EXOC2: variants seen among roughly 807,000 people sequenced by gnomAD.
The protein encoded by EXOC2 is SEC5-like 1.
Under a neutral mutation model 131.8 loss-of-function variants are expected in EXOC2, and 70 were observed. The ratio of observed to expected loss-of-function variants is 0.53; its 90% CI spans 0.44 to 0.65. The LOEUF is 0.65. EXOC2 is among the 30% of genes least tolerant of loss of function. The pLI, the probability that EXOC2 is intolerant of heterozygous loss-of-function variation, is 0.00. For synonymous variants in EXOC2, 411 were observed against 398.4 expected (o/e 1.03, Z -0.38); for missense variants, 923 against 1,108.6 (o/e 0.83, Z 2.38).
chr6:686,952 G>T (rs1764683818), intron 1 of EXOC2, among the ~76,000 whole-genome samples: 1 of 151,468 alleles, frequency 6.6e-6, no homozygotes, highest in Non-Finnish European at 1.5e-5. Context: ...GAAAACAAAA[G>T]AGTTTCATAC....
At chr6:559,110 T>C (rs1042512631) in intron 17 of EXOC2, among the ~76,000 whole-genome samples, 1 of 152,194 alleles carries the variant, frequency 6.6e-6, no homozygotes, top group African/African-American at 2.4e-5. Flanking sequence ...TCACAAATCA[T>C]TCCAGTTCTT....
chr6:679,774 G>A (rs1028743641), intron 1 of EXOC2, among the ~76,000 whole-genome samples: 24 of 152,258 alleles, frequency 1.6e-4, no homozygotes, highest in African/African-American at 5.8e-4. Flanking sequence ...AAAAACATGC[G>A]AAACCAAGAG....
intron 23 of EXOC2, among the ~76,000 whole-genome samples, chr6:504,771 A>G (rs11758349): frequency 0.029 from 4,420 of 152,186 alleles, 94 homozygotes; most frequent in Non-Finnish European, 0.047. Context: ...CATTCTTCCA[A>G]CACGTGCTGT....
chr6:612,116 ATG>A (rs1484119259), intron 6 of EXOC2, among the ~76,000 whole-genome samples: 1 of 152,242 alleles, frequency 6.6e-6, no homozygotes, highest in Non-Finnish European at 1.5e-5. Flanking sequence ...TAACCAATCT[ATG>A]TTAATGCTAG....
At chr6:601,261 CT>C in intron 7 of EXOC2, among the ~76,000 whole-genome samples, 1 of 137,142 alleles carries the variant, frequency 7.3e-6, no homozygotes, top group Non-Finnish European at 1.6e-5. Flanking sequence ...CACACACATT[CT>C]CACACCAAGA....
At chr6:640,886 A>G (rs918223192) in intron 1 of EXOC2, among the ~76,000 whole-genome samples, 1 of 72,286 alleles carries the variant, frequency 1.4e-5, no homozygotes, top group Non-Finnish European at 3.7e-5. Flanking sequence ...CAGCAGGTAC[A>G]GAAAAAAAAA....
intron 10 of EXOC2, among the ~76,000 whole-genome samples, chr6:596,875 T>C (rs1561905097): frequency 6.6e-6 from 1 of 152,330 alleles, no homozygotes; most frequent in South Asian, 2.1e-4. Flanking sequence ...ATCACAGATA[T>C]AAAAAACTTA....
At chr6:656,654 C>T (rs763047165) in intron 1 of EXOC2, 2 of 1,606,992 alleles carry the variant, frequency 1.2e-6, no homozygotes, top group Non-Finnish European at 1.7e-6. Context: ...TCAGGGAGGA[C>T]GCGCCCGCTG....
At chr6:654,247 A>T (rs1762956970) in intron 1 of EXOC2, among the ~76,000 whole-genome samples, 1 of 152,242 alleles carries the variant, frequency 6.6e-6, no homozygotes, top group African/African-American at 2.4e-5. Context: ...TTTCAGAAAT[A>T]AATTTTGTAC....
intron 1 of EXOC2, among the ~76,000 whole-genome samples, chr6:638,488 T>TCCCATTTA: frequency 6.6e-6 from 1 of 152,236 alleles, no homozygotes; most frequent in Non-Finnish European, 1.5e-5. Context: ...CAAGTACTGC[T>TCCCATTTA]GCTCCCATTT....
intron 13 of EXOC2, among the ~76,000 whole-genome samples, chr6:568,964 G>A (rs1447159262): frequency 6.6e-6 from 1 of 152,004 alleles, no homozygotes; most frequent in African/African-American, 2.4e-5. Context: ...AAAAGTAGAC[G>A]GGGAAGGGAA....
chr6:675,088 C>A (rs1023045908), intron 1 of EXOC2, among the ~76,000 whole-genome samples: 1 of 152,214 alleles, frequency 6.6e-6, no homozygotes, highest in Non-Finnish European at 1.5e-5. Context: ...TCCTGACCTA[C>A]CCCCAGTGCT....
intron 13 of EXOC2, among the ~76,000 whole-genome samples, chr6:569,120 T>C (rs570730387): frequency 1.3e-5 from 2 of 152,380 alleles, no homozygotes; most frequent in African/African-American, 2.4e-5. Context: ...TTTTAATTTA[T>C]ATATTATTGA....
Position 486,349 on chromosome 6 carries a change from ACG to A in EXOC2, c.*320_*321del, listed in dbSNP as rs372373248. ...ACTGAGAAATGCTTCAATATGTGCC[ACG>A]CCATTCCAGAAAACTCCCTGCAGAA... On this transcript the variant is annotated 3_prime_UTR_variant, in exon 28 of 28. Coordinates refer to ENST00000230449, the MANE Select transcript of EXOC2 (RefSeq NM_018303.6). 2.6e-4 allele frequency: 65 copies of A among 245,490 alleles called. 1 individual carries two copies. In the East Asian group the frequency reaches 4.8e-3, roughly 18 times the overall value. 15.2% of individuals were successfully genotyped at this position (245,490 alleles called of 1,614,324 possible). A position where few individuals can be genotyped will look rare whatever the true frequency, so the allele number is the denominator to read the frequency against.
At chr6:573,763 G>A (rs1758423740) in intron 12 of EXOC2, among the ~76,000 whole-genome samples, 1 of 151,636 alleles carries the variant, frequency 6.6e-6, no homozygotes, top group South Asian at 2.1e-4. Context: ...GTAATACATG[G>A]TTAGAAAATG....
At chr6:511,025 G>T (rs1764816272) in intron 23 of EXOC2, among the ~76,000 whole-genome samples, 1 of 152,210 alleles carries the variant, frequency 6.6e-6, no homozygotes, top group South Asian at 2.1e-4. Context: ...TGTTTTTAAA[G>T]ATTTTAATGA....
intron 2 of EXOC2, 88 bp from the exon 3 acceptor site, chr6:633,205 T>C (rs1761939178): frequency 7.2e-7 from 1 of 1,393,430 alleles, no homozygotes; most frequent in Admixed American, 2.2e-5. Flanking sequence ...AAATCTAGTC[T>C]TGTTCAATAA....
chr6:525,058 G>C (rs1328501874), intron 23 of EXOC2: 1 of 152,182 alleles, frequency 6.6e-6, no homozygotes, highest in African/African-American at 2.4e-5. Flanking sequence ...CTCACAGCTG[G>C]GTTTCTATAT....
At chr6:683,721 A>G (rs990642915) in intron 1 of EXOC2, among the ~76,000 whole-genome samples, 1 of 152,248 alleles carries the variant, frequency 6.6e-6, no homozygotes, top group Admixed American at 6.5e-5. Context: ...AAAATACATC[A>G]ACTTTGTCAC....
Sources: gnomAD v4.1 joint callset for allele counts (sites outside exome capture counted in the v4.1 genomes callset) on GRCh38, gnomAD v4.1.1 for gene constraint, MANE v1.5 for transcripts, NCBI Gene and HGNC (gene_info 2026-07-23, HGNC 2026-07-21) for gene names.